DLG2: variants seen among roughly 807,000 people sequenced by gnomAD.
The protein encoded by DLG2 is discs large MAGUK scaffold protein 2.
In DLG2, 45 loss-of-function variants were observed where a neutral mutation model predicts 132.5. The observed-to-expected ratio is 0.34, with a 90% confidence interval of 0.27 to 0.44. The LOEUF (loss-of-function observed/expected upper bound fraction) is 0.44, where lower values mean the gene tolerates loss of function less well. DLG2 is among the 20% of genes least tolerant of loss of function. DLG2 has a pLI of 1.00. For missense variants in DLG2, 1,045 were observed against 1,196.9 expected, an observed-to-expected ratio of 0.87 and a Z score of 1.87; for synonymous variants, 424 against 419.6, an observed-to-expected ratio of 1.01 and a Z score of -0.13.
At chr11:84,365,715 T>C (rs1386326675) in intron 7 of DLG2, among the ~76,000 whole-genome samples, 1 of 151,982 alleles carries the variant, frequency 6.6e-6, no homozygotes, top group East Asian at 1.9e-4. Flanking sequence ...TGTTGTGTCT[T>C]TGTTCTCTTT....
chr11:85,551,134 T>G (rs1053624371), intron 3 of DLG2, among the ~76,000 whole-genome samples: 3 of 152,208 alleles, frequency 2.0e-5, no homozygotes, highest in African/African-American at 4.8e-5. Flanking sequence ...CCCAGATGAT[T>G]CCGATATATT....
At position 84,596,372 on chromosome 11, in the gene DLG2, T is replaced by C. The variant is rs367654038; in HGVS notation, c.358-61641A>G. ...ACAGGTGTGTGTCACCATGCCCAGA[T>C]AATTTTCTTTTTTTTTTTTTTTTTT... On this transcript the variant is annotated intron_variant, in intron 6 of 27. Coordinates refer to ENST00000376104, the MANE Select transcript of DLG2 (RefSeq NM_001142699.3). Among the ~76,000 whole-genome samples the C allele has an allele frequency of 2.4e-3, 353 of 150,164 alleles. 2 individuals are homozygous for C. Among genetic ancestry groups the C allele is most frequent in the African/African-American group, 8.4e-3 (346 of 41,004 alleles).
intron 5 of DLG2, among the ~76,000 whole-genome samples, chr11:85,144,007 A>G (rs2076672679): frequency 6.6e-6 from 1 of 151,880 alleles, no homozygotes; most frequent in Non-Finnish European, 1.5e-5. Context: ...TGATCTGTTC[A>G]ATGCTAAAAA....
chr11:84,234,517 A>C (rs1223276831), intron 8 of DLG2, among the ~76,000 whole-genome samples: 1 of 152,194 alleles, frequency 6.6e-6, no homozygotes, highest in Non-Finnish European at 1.5e-5. Context: ...TATTAGACAA[A>C]GTGACATCAC....
At chr11:84,552,894 T>A (rs950071291) in intron 6 of DLG2, among the ~76,000 whole-genome samples, 11 of 152,198 alleles carry the variant, frequency 7.2e-5, no homozygotes, top group Non-Finnish European at 1.2e-4. Context: ...TGCTCCAGAA[T>A]AAAACGCACG....
intron 3 of DLG2, among the ~76,000 whole-genome samples, chr11:85,446,749 G>C (rs2092027354): frequency 6.6e-6 from 1 of 151,642 alleles, no homozygotes; most frequent in South Asian, 2.1e-4. Flanking sequence ...TACCTTAAAA[G>C]AAATATTACT....
In DLG2 at chr11:83,718,532, G is replaced by GAAAAAA. The variant is rs57237354; in HGVS notation, c.1825+68152_1825+68157dup. 1.3e-3 allele frequency among the ~76,000 whole-genome samples: 135 copies of GAAAAAA among 106,236 alleles called. 1 individual carries two copies. Among genetic ancestry groups the GAAAAAA allele is most frequent in the African/African-American group, 2.2e-3 (61 of 27,394 alleles). 69.7% of individuals were successfully genotyped at this position (106,236 alleles called of 152,430 possible). A position where few individuals can be genotyped will look rare whatever the true frequency, so the allele number is the denominator to read the frequency against. On this transcript the variant is annotated intron_variant, in intron 18 of 27. Coordinates refer to ENST00000376104, the MANE Select transcript of DLG2 (RefSeq NM_001142699.3). The stretch of plus-strand genomic sequence containing the variant: ...AGAGTGAAACTCCATCTCAAAAAAA[G>GAAAAAA]AAAAAAAAAAAAAAAAAAAGAAAGA...
At chr11:84,955,895 A>T (rs957572537) in intron 6 of DLG2, among the ~76,000 whole-genome samples, 7 of 152,198 alleles carry the variant, frequency 4.6e-5, no homozygotes, top group Admixed American at 2.6e-4. Flanking sequence ...GGTAAAAGAC[A>T]TATTATTTGA....
chr11:84,369,802 T>C (rs1447109901), intron 7 of DLG2, among the ~76,000 whole-genome samples: 1 of 152,138 alleles, frequency 6.6e-6, no homozygotes, highest in Non-Finnish European at 1.5e-5. Context: ...TTGAGGATCA[T>C]AAGAAAGGAT....
At chr11:85,574,673 A>C (rs2078050530) in intron 3 of DLG2, among the ~76,000 whole-genome samples, 1 of 152,058 alleles carries the variant, frequency 6.6e-6, no homozygotes, top group African/African-American at 2.4e-5. Flanking sequence ...CTGATTGTTA[A>C]AAAGAGTCTG....
chr11:85,382,153 G>A (rs1051163650), intron 3 of DLG2, among the ~76,000 whole-genome samples: 1 of 152,008 alleles, frequency 6.6e-6, no homozygotes, highest in Admixed American at 6.6e-5. Context: ...AGACAGCATG[G>A]TACTGACATA....
intron 16 of DLG2, among the ~76,000 whole-genome samples, chr11:83,869,904 C>A (rs1452675252): frequency 2.0e-5 from 3 of 152,132 alleles, no homozygotes; most frequent in Non-Finnish European, 1.5e-5. Context: ...TGTAAGGTAA[C>A]ATAAAGTGCC....
intron 18 of DLG2, among the ~76,000 whole-genome samples, chr11:83,678,995 G>A (rs1314465286): frequency 2.6e-5 from 4 of 152,086 alleles, no homozygotes; most frequent in African/African-American, 9.7e-5. Context: ...TTAAACATAT[G>A]AGGAGAGGAA....
At chr11:83,692,449 T>C (rs1460995592) in intron 18 of DLG2, among the ~76,000 whole-genome samples, 1 of 152,124 alleles carries the variant, frequency 6.6e-6, no homozygotes, top group Non-Finnish European at 1.5e-5. Context: ...TCCATATAGA[T>C]GGAAAATAGA....
At position 85,066,395 on chromosome 11, in the gene DLG2, G is replaced by A. The variant is rs1021440879; in HGVS notation, c.357+45266C>T. ...AAAAGACAGTGGTACAAACGCTATT[G>A]AAATTGTTCCAAAAATCAAGGGGGA... On this transcript the variant is annotated intron_variant, in intron 6 of 27. Coordinates refer to ENST00000376104, the MANE Select transcript of DLG2 (RefSeq NM_001142699.3). Among the ~76,000 whole-genome samples, 33 of 151,570 alleles carry A rather than the reference G, an allele frequency of 2.2e-4. 1 individual carries two copies. The highest frequency in any genetic ancestry group is 2.0e-3 in the Admixed American group (30 of 15,160).
intron 6 of DLG2, among the ~76,000 whole-genome samples, chr11:84,989,464 C>T (rs1313985148): frequency 3.9e-5 from 6 of 152,158 alleles, no homozygotes; most frequent in African/African-American, 7.2e-5. Context: ...GCATGAGCCA[C>T]CATGACTGGC....
chr11:84,410,311 T>A (rs922461002), intron 7 of DLG2, among the ~76,000 whole-genome samples: 1 of 152,118 alleles, frequency 6.6e-6, no homozygotes, highest in East Asian at 1.9e-4. Context: ...ACTCACACTG[T>A]CAAGCTGATG....
At chr11:83,936,776 T>C (rs915634157) in intron 14 of DLG2, among the ~76,000 whole-genome samples, 1 of 152,128 alleles carries the variant, frequency 6.6e-6, no homozygotes, top group Non-Finnish European at 1.5e-5. Flanking sequence ...AGTGTTTCAT[T>C]GGAATAAGAA....
intron 6 of DLG2, among the ~76,000 whole-genome samples, chr11:84,706,325 G>T (rs1341995607): frequency 6.6e-6 from 1 of 151,778 alleles, no homozygotes; most frequent in Non-Finnish European, 1.5e-5. Context: ...AGAGTGCTTT[G>T]GGGGCTCTGA....
Sources: allele counts gnomAD v4.1 joint callset (sites outside exome capture counted in the v4.1 genomes callset), GRCh38; gene constraint gnomAD v4.1.1; transcripts MANE v1.5; gene names NCBI Gene and HGNC (gene_info 2026-07-23, HGNC 2026-07-21).